The following SCML4 variants were observed in gnomAD, a reference collection of about 807,000 sequenced individuals.
SCML4 encodes the protein Scm polycomb group protein like 4, also known as sex comb on midleg-like protein 4.
A neutral mutation model predicts 41.1 loss-of-function variants in SCML4; 34 were observed. The observed-to-expected ratio is 0.83, with a 90% CI of 0.63 to 1.10. The LOEUF (loss-of-function observed/expected upper bound fraction) is 1.10, where lower values mean the gene tolerates loss of function less well. Among genes scored for constraint, SCML4 ranks in the 50% least tolerant of loss-of-function variants. The pLI, the probability that SCML4 is intolerant of heterozygous loss-of-function variation, is 0.00. For synonymous variants in SCML4, 214 were observed against 220.9 expected, an observed-to-expected ratio of 0.97 and a Z score of 0.28; for missense variants, 522 against 534.1, an observed-to-expected ratio of 0.98 and a Z score of 0.22.
chr6:107,728,889 C>T lies in SCML4; in HGVS notation c.683-7896G>A, dbSNP rs576468505. On this transcript the variant is annotated intron_variant, in intron 5 of 7. Coordinates refer to ENST00000369020, the MANE Select transcript of SCML4 (RefSeq NM_198081.5). ...CGCGAGTGAACAGCACGTTCAGATG[C>T]ACACACTGTGGTGGCTTCCAGAATT... Among the ~76,000 whole-genome samples the T allele has an allele frequency of 2.6e-5, 4 of 152,292 alleles. No homozygotes were observed. In the South Asian group the frequency reaches 8.3e-4, roughly 32 times the overall value.
upstream of SCML4, among the ~76,000 whole-genome samples, chr6:107,827,077 T>TA (rs1377969941): frequency 2.0e-5 from 2 of 100,926 alleles, no homozygotes; most frequent in African/African-American, 5.9e-5. Context: ...AATATATATA[T>TA]TTTTTATATA....
intron 6 of SCML4, among the ~76,000 whole-genome samples, chr6:107,714,763 G>C (rs1399684156): frequency 6.6e-6 from 1 of 152,044 alleles, no homozygotes; most frequent in Non-Finnish European, 1.5e-5. Flanking sequence ...CATTAAACAG[G>C]ATTACTCATT....
intron 6 of SCML4, among the ~76,000 whole-genome samples, chr6:107,711,690 T>G (rs1427880105): frequency 6.6e-6 from 1 of 152,208 alleles, no homozygotes; most frequent in Non-Finnish European, 1.5e-5. Flanking sequence ...AGCCTGTGTG[T>G]GTAATCTTTA....
rs566718836 is a variant in SCML4 at position 107,808,364 on chromosome 6, G to C, written c.-60+15762C>G. Among the ~76,000 whole-genome samples, 11 of 152,280 alleles carry C rather than the reference G, an allele frequency of 7.2e-5. No individual in the cohort carries two copies. In the South Asian group the frequency reaches 2.1e-3, roughly 29 times the overall value. On this transcript the variant is annotated intron_variant, in intron 1 of 7. Transcript: ENST00000369020. ...CACTATATATAAAGATGGCACCAAGGCAGTCTGTGTGGGGAGCCAGGGTCC... is the reference window on the plus strand; with the variant it reads ...CACTATATATAAAGATGGCACCAAGCCAGTCTGTGTGGGGAGCCAGGGTCC...
the SCML4 span, among the ~76,000 whole-genome samples, chr6:107,833,712 T>C: frequency 1.3e-5 from 2 of 152,136 alleles, no homozygotes; most frequent in African/African-American, 4.8e-5. Flanking sequence ...AATATGATAT[T>C]CATACTAAAA....
At chr6:107,790,914 A>G (rs1000904475) in intron 1 of SCML4, among the ~76,000 whole-genome samples, 1 of 152,112 alleles carries the variant, frequency 6.6e-6, no homozygotes, top group African/African-American at 2.4e-5. Flanking sequence ...TACTAAAAAT[A>G]CAAAAATTAG....
intron 1 of SCML4, among the ~76,000 whole-genome samples, chr6:107,799,225 T>C (rs1006797826): frequency 6.6e-6 from 1 of 152,220 alleles, no homozygotes; most frequent in Non-Finnish European, 1.5e-5. Context: ...TTTTGCTACA[T>C]GTATTTTGAA....
intron 5 of SCML4, among the ~76,000 whole-genome samples, chr6:107,723,431 A>C (rs1222636937): frequency 6.6e-6 from 1 of 152,204 alleles, no homozygotes; most frequent in African/African-American, 2.4e-5. Flanking sequence ...TGTTGTATAG[A>C]TACTTGAAGC....
At chr6:107,727,282 G>A (rs1017226820) in intron 5 of SCML4, among the ~76,000 whole-genome samples, 4 of 152,204 alleles carry the variant, frequency 2.6e-5, no homozygotes, top group African/African-American at 7.2e-5. Flanking sequence ...TAGCTAAAGG[G>A]TATGTGGGAG....
At chr6:107,725,356 A>G (rs1775859270) in intron 5 of SCML4, among the ~76,000 whole-genome samples, 1 of 152,206 alleles carries the variant, frequency 6.6e-6, no homozygotes, top group Non-Finnish European at 1.5e-5. Context: ...AAAAATAAAT[A>G]AATAAAGCCA....
intron 6 of SCML4, among the ~76,000 whole-genome samples, chr6:107,708,956 T>A (rs900559463): frequency 1.5e-4 from 23 of 152,150 alleles, no homozygotes; most frequent in African/African-American, 5.3e-4. Context: ...TACCTCTTTG[T>A]CCTCCCCTTT....
chr6:107,812,880 T>TACACACACACACACACACACACAC (rs141469245), intron 1 of SCML4, among the ~76,000 whole-genome samples: 1 of 141,366 alleles, frequency 7.1e-6, no homozygotes, highest in African/African-American at 2.7e-5. Context: ...CACAGACACA[T>TACACACACACACACACACACACAC]ACACACACAC....
intron 1 of SCML4, among the ~76,000 whole-genome samples, chr6:107,788,515 G>A (rs4945789): frequency 6.6e-6 from 1 of 152,122 alleles, no homozygotes; most frequent in African/African-American, 2.4e-5. Context: ...GCAACATAAA[G>A]ACAGATCATT....
At chr6:107,802,448 G>C (rs1326781882) in intron 1 of SCML4, among the ~76,000 whole-genome samples, 4 of 152,026 alleles carry the variant, frequency 2.6e-5, no homozygotes, top group African/African-American at 7.3e-5. Context: ...TTCAAAGACA[G>C]TCAGGAGCCC....
At chr6:107,808,517 C>G (rs901743642) in intron 1 of SCML4, among the ~76,000 whole-genome samples, 2 of 152,086 alleles carry the variant, frequency 1.3e-5, no homozygotes, top group African/African-American at 4.8e-5. Context: ...AGTGATCCTC[C>G]CACCGCGGCC....
intron 5 of SCML4, among the ~76,000 whole-genome samples, chr6:107,723,855 A>T (rs1775681065): frequency 1.3e-5 from 2 of 152,198 alleles, no homozygotes. Context: ...CAGACACATC[A>T]TAAGAAAACT....
the SCML4 span, among the ~76,000 whole-genome samples, chr6:107,843,595 C>T: frequency 6.6e-6 from 1 of 152,222 alleles, no homozygotes; most frequent in Non-Finnish European, 1.5e-5. Flanking sequence ...CCCACATCTT[C>T]ATCAACCTGC....
intron 1 of SCML4, among the ~76,000 whole-genome samples, chr6:107,794,494 G>C (rs1054073670): frequency 1.3e-5 from 2 of 152,044 alleles, no homozygotes; most frequent in African/African-American, 4.8e-5. Context: ...ATTATGTACA[G>C]TTATTTCACT....
At chr6:107,793,448 A>T (rs565197318) in intron 1 of SCML4, among the ~76,000 whole-genome samples, 2 of 152,242 alleles carry the variant, frequency 1.3e-5, no homozygotes, top group South Asian at 4.1e-4. Flanking sequence ...GCTTAAAACA[A>T]GCTGAACACC....
Sources: gnomAD v4.1 joint callset for allele counts (sites outside exome capture counted in the v4.1 genomes callset) on GRCh38, gnomAD v4.1.1 for gene constraint, MANE v1.5 for transcripts, NCBI Gene and HGNC (gene_info 2026-07-23, HGNC 2026-07-21) for gene names.